Variants in EPSTI1 observed in about 807,000 individuals in gnomAD.
The protein encoded by EPSTI1 is epithelial stromal interaction 1.
Under a neutral mutation model 49.9 loss-of-function variants are expected in EPSTI1, and 66 were observed. The observed-to-expected ratio is 1.32, with a 90% CI of 1.08 to 1.62. EPSTI1 has a LOEUF of 1.62. Among genes scored for constraint, EPSTI1 ranks in the 40% most tolerant of loss-of-function variants. The probability of loss-of-function intolerance (pLI) is 0.00; values close to 1 mark genes in which losing one functional copy is unlikely to be tolerated. For synonymous variants in EPSTI1, 137 were observed against 130.7 expected (o/e 1.05, Z -0.33); for missense variants, 394 against 365.5 (o/e 1.08, Z -0.64).
intron 1 of EPSTI1, among the ~76,000 whole-genome samples, chr13:42,972,127 C>G (rs9567079): frequency 0.63 from 95,021 of 151,964 alleles, 29,876 homozygotes; most frequent in Middle Eastern, 0.83. Flanking sequence ...GCTGAAACAT[C>G]AGATACGAGA....
chr13:42,990,492 T>C (rs1254037314), intron 1 of EPSTI1, among the ~76,000 whole-genome samples: 2 of 152,248 alleles, frequency 1.3e-5, no homozygotes, highest in Non-Finnish European at 2.9e-5. Context: ...CAAATCATGT[T>C]CATCGTTAAC....
chr13:42,979,951 AT>A (rs2039958205), intron 1 of EPSTI1, among the ~76,000 whole-genome samples: 1 of 151,810 alleles, frequency 6.6e-6, no homozygotes, highest in Non-Finnish European at 1.5e-5. Flanking sequence ...TGGATTACAC[AT>A]TTCTATGGTT....
At chr13:42,927,987 C>A (rs527330912) in intron 6 of EPSTI1, among the ~76,000 whole-genome samples, 4 of 152,218 alleles carry the variant, frequency 2.6e-5, no homozygotes, top group African/African-American at 7.2e-5. Context: ...AAACTTCAGA[C>A]CAAGTTGACA....
rs1235338029 is a variant in EPSTI1 at position 42,886,842 on chromosome 13, G to A, written c.*1652C>T. ...ACAAAATCTTTGGGAGTGCAGGGTA[G>A]GCCAGGCAGTGGAGGAGAAATTGAC... is the stretch of plus-strand genomic sequence containing the variant. On this transcript the variant is annotated 3_prime_UTR_variant, in exon 11 of 11. Coordinates refer to ENST00000313624, the MANE Select transcript of EPSTI1 (RefSeq NM_033255.5). The A allele has an allele frequency of 1.3e-5, 2 of 152,192 alleles. No individual in the cohort carries two copies. Among genetic ancestry groups the A allele is most frequent in the African/African-American group, 4.8e-5 (2 of 41,442 alleles). The allele number at this position is 152,192 out of a possible 1,614,324, so 9.4% of individuals were successfully genotyped here.
At chr13:42,970,554 C>A in intron 2 of EPSTI1, 58 bp downstream of exon 2, 1 of 1,456,082 alleles carries the variant, frequency 6.9e-7, no homozygotes, top group Non-Finnish European at 9.4e-7. Flanking sequence ...CACACCAAAA[C>A]AAACCAATTG....
chr13:42,965,477 G>A (rs1257990618), intron 3 of EPSTI1, among the ~76,000 whole-genome samples: 1 of 152,182 alleles, frequency 6.6e-6, no homozygotes, highest in East Asian at 1.9e-4. Context: ...CCTCAAAGCA[G>A]GATCTGCAAG....
chr13:42,989,061 G>A (rs1410181175), intron 1 of EPSTI1, among the ~76,000 whole-genome samples: 3 of 86,758 alleles, frequency 3.5e-5, no homozygotes, highest in African/African-American at 1.3e-4. Flanking sequence ...TTTTTTTGGA[G>A]AGACAAGGGA....
chr13:42,926,026 T>TGGAAGGAA (rs60372725), intron 7 of EPSTI1, among the ~76,000 whole-genome samples: 1,591 of 142,732 alleles, frequency 0.011, 57 homozygotes, highest in African/African-American at 0.039. Flanking sequence ...GATGCATGGA[T>TGGAAGGAA]GGAAGGAAGG....
At chr13:42,925,348 A>G (rs2038137809) in intron 7 of EPSTI1, among the ~76,000 whole-genome samples, 1 of 152,182 alleles carries the variant, frequency 6.6e-6, no homozygotes, top group South Asian at 2.1e-4. Context: ...TAGGTTTTCC[A>G]AGGTGGCATG....
chr13:42,991,946 C>T, intron 1 of EPSTI1, 32 bp downstream of exon 1: 1 of 1,611,488 alleles, frequency 6.2e-7, no homozygotes, highest in Non-Finnish European at 8.5e-7. Flanking sequence ...GCCCGGGCTC[C>T]CGCCCCGAAG....
At chr13:42,897,405 T>C (rs371878669) in intron 9 of EPSTI1, among the ~76,000 whole-genome samples, 9 of 152,210 alleles carry the variant, frequency 5.9e-5, no homozygotes, top group African/African-American at 2.2e-4. Context: ...CTCCTCCAGA[T>C]TATAATTTCC....
At chr13:42,944,065 TTGG>T (rs1321611832) in intron 6 of EPSTI1, among the ~76,000 whole-genome samples, 2 of 152,306 alleles carry the variant, frequency 1.3e-5, no homozygotes, top group East Asian at 3.9e-4. Flanking sequence ...TTTTACACTG[TTGG>T]TGGGAGTGTA....
chr13:42,979,406 G>A (rs1211231678), intron 1 of EPSTI1, among the ~76,000 whole-genome samples: 4 of 151,784 alleles, frequency 2.6e-5, no homozygotes, highest in East Asian at 3.9e-4. Flanking sequence ...GCGAAGCCCC[G>A]TCTCTACTAA....
intron 5 of EPSTI1, among the ~76,000 whole-genome samples, chr13:42,954,310 AT>A (rs2039194421): frequency 6.6e-6 from 1 of 152,248 alleles, no homozygotes; most frequent in Admixed American, 6.5e-5. Flanking sequence ...AGCAACATTT[AT>A]TTTTTAAGCA....
intron 1 of EPSTI1, among the ~76,000 whole-genome samples, chr13:42,973,993 A>G (rs550433966): frequency 2.9e-4 from 44 of 152,240 alleles, no homozygotes; most frequent in Non-Finnish European, 5.0e-4. Context: ...AGAACAGACA[A>G]GATAAAATGT....
chr13:42,917,714 C>A (rs765330979), intron 7 of EPSTI1, 90 bp from the exon 8 acceptor site: 1 of 909,378 alleles, frequency 1.1e-6, no homozygotes, highest in Non-Finnish European at 1.7e-6. Context: ...ACTATAGGCC[C>A]GGTGCTAATA....
At chr13:42,973,720 T>C (rs1175392142) in intron 1 of EPSTI1, among the ~76,000 whole-genome samples, 1 of 152,182 alleles carries the variant, frequency 6.6e-6, no homozygotes, top group African/African-American at 2.4e-5. Flanking sequence ...AGCAAAGGCC[T>C]TTGCTGTTTT....
chr13:42,926,904 G>A (rs1479550590), intron 6 of EPSTI1, among the ~76,000 whole-genome samples: 2 of 151,926 alleles, frequency 1.3e-5, no homozygotes, highest in Non-Finnish European at 2.9e-5. Context: ...AGGACACAGA[G>A]ACCCTCTAAT....
chr13:42,973,277 A>C (rs557096610), intron 1 of EPSTI1, among the ~76,000 whole-genome samples: 1 of 152,364 alleles, frequency 6.6e-6, no homozygotes, highest in East Asian at 1.9e-4. Context: ...TGTAGCTTAC[A>C]GGTACCTAAT....
Sources: allele counts gnomAD v4.1 joint callset (sites outside exome capture counted in the v4.1 genomes callset), GRCh38; gene constraint gnomAD v4.1.1; transcripts MANE v1.5; gene names NCBI Gene and HGNC (gene_info 2026-07-23, HGNC 2026-07-21).